The following MBNL3 variants were observed in gnomAD, a reference collection of about 807,000 sequenced individuals.
MBNL3 encodes muscleblind like splicing regulator 3, also known as muscleblind-like protein 3.
In MBNL3, 6 loss-of-function variants were observed where a neutral mutation model predicts 24.5. That is an observed-to-expected ratio of 0.25 (90% CI 0.13 to 0.48). The LOEUF (loss-of-function observed/expected upper bound fraction) is 0.48, where lower values mean the gene tolerates loss of function less well. Among genes scored for constraint, MBNL3 ranks in the 20% least tolerant of loss-of-function variants. MBNL3 has a pLI of 0.99. For missense variants in MBNL3, 230 were observed against 293.5 expected (o/e 0.78, Z 1.58); for synonymous variants, 100 against 101.7 (o/e 0.98, Z 0.10).
chrX:132,453,787 C>T (rs1603259035), intron 1 of MBNL3, among the ~76,000 whole-genome samples: 1 of 111,187 alleles, frequency 9.0e-6, no homozygotes, highest in Non-Finnish European at 1.9e-5. Flanking sequence ...CCTTTCAAAC[C>T]AGTGGTCTGA....
At chrX:132,406,034 A>G (rs1941773504) in intron 3 of MBNL3, among the ~76,000 whole-genome samples, 194 bp downstream of exon 3, 1 of 111,208 alleles carries the variant, frequency 9.0e-6, no homozygotes, top group South Asian at 3.8e-4. Context: ...ATATTCTTTT[A>G]TAAAGTGAAC....
In MBNL3 at chrX:132,390,775, G is replaced by A. The variant is rs1345018896; in HGVS notation, c.771+72C>T. 3.5e-6 allele frequency: 3 copies of A among 867,274 alleles called. No homozygotes were observed. The African/African-American group carries it at 6.0e-5, about 17-fold the overall frequency. The allele number at this position is 867,274 out of a possible 1,213,427, so 71.5% of individuals were successfully genotyped here. A position where few individuals can be genotyped will look rare whatever the true frequency, so the allele number is the denominator to read the frequency against. On this transcript the variant is annotated intron_variant, in intron 5 of 8. Coordinates refer to ENST00000370853, the MANE Select transcript of MBNL3 (RefSeq NM_001386889.1). The stretch of plus-strand genomic sequence containing the variant: ...TGACCATCCATGAGTATGGTTACAG[G>A]ATATTAGACAAATTGAGGAATATAC...
intron 1 of MBNL3, among the ~76,000 whole-genome samples, chrX:132,453,807 T>C (rs780780138): frequency 9.0e-6 from 1 of 111,567 alleles, no homozygotes; most frequent in African/African-American, 3.3e-5. Context: ...AAAGTGTTCA[T>C]GTGGACGGGC....
intron 2 of MBNL3, among the ~76,000 whole-genome samples, chrX:132,414,993 A>G (rs1439253446): frequency 3.6e-5 from 4 of 111,826 alleles, no homozygotes; most frequent in Non-Finnish European, 7.5e-5. Flanking sequence ...CAAAGCTGTA[A>G]GTTTCGTCAG....
chrX:132,426,729 T>C (rs1407514288), intron 2 of MBNL3, among the ~76,000 whole-genome samples: 1 of 111,698 alleles, frequency 9.0e-6, no homozygotes, highest in East Asian at 2.8e-4. Context: ...CCTTGGACTG[T>C]TGTAGCTGTT....
chrX:132,475,624 C>T (rs769345475), intron 1 of MBNL3, among the ~76,000 whole-genome samples: 32 of 112,145 alleles, frequency 2.9e-4, no homozygotes, highest in Non-Finnish European at 5.8e-4. Context: ...CAATAAATGT[C>T]AGTTGACTCT....
rs1939462691 is a variant in MBNL3, at chrX:132,396,817, T to TATATATTC, written c.343-4484_343-4483insGAATATAT. 5.6e-5 allele frequency among the ~76,000 whole-genome samples: 2 copies of TATATATTC among 35,603 alleles called. 1 individual carries two copies. Among genetic ancestry groups the TATATATTC allele is most frequent in the African/African-American group, 4.4e-4 (2 of 4,590 alleles). 30.9% of individuals were successfully genotyped at this position (35,603 alleles called of 115,157 possible). A position where few individuals can be genotyped will look rare whatever the true frequency, so the allele number is the denominator to read the frequency against. On this transcript the variant is annotated intron_variant, in intron 3 of 8. Coordinates refer to ENST00000370853, the MANE Select transcript of MBNL3 (RefSeq NM_001386889.1). ...ATATTCATATATATTCATATATACA[T>TATATATTC]ATATATATTCATATATATATTCATA...
intron 3 of MBNL3, among the ~76,000 whole-genome samples, chrX:132,399,522 T>C (rs1334174230): frequency 9.0e-6 from 1 of 110,771 alleles, no homozygotes; most frequent in Non-Finnish European, 1.9e-5. Context: ...CACTTTGTAA[T>C]ACACAAAGTA....
At chrX:132,477,097 T>C (rs1384622122) in intron 1 of MBNL3, among the ~76,000 whole-genome samples, 2 of 112,546 alleles carry the variant, frequency 1.8e-5, no homozygotes, top group Admixed American at 9.4e-5. Context: ...GATCAGAGCA[T>C]GTATGCAATT....
chrX:132,486,404 C>T (rs1263905947), intron 1 of MBNL3, among the ~76,000 whole-genome samples: 3 of 111,422 alleles, frequency 2.7e-5, no homozygotes, highest in Non-Finnish European at 5.7e-5. Flanking sequence ...AAGACAAAAC[C>T]TTTTTTATTC....
chrX:132,462,348 G>T (rs1946668819), intron 1 of MBNL3, among the ~76,000 whole-genome samples: 1 of 112,125 alleles, frequency 8.9e-6, no homozygotes, highest in Non-Finnish European at 1.9e-5. Context: ...TTTTGAATGG[G>T]AAGTTGAAAT....
rs776752620 is a variant in MBNL3 at position 132,459,239 on chromosome X, T to C, written c.-703-18925A>G. Among the ~76,000 whole-genome samples the C allele has an allele frequency of 4.0e-4, 44 of 109,274 alleles. 1 individual carries two copies. The highest frequency in any genetic ancestry group is 3.4e-3 in the Admixed American group (34 of 10,071). The allele number at this position is 109,274 out of a possible 115,157, so 94.9% of individuals were successfully genotyped here. ...TCTCCATATTTAAAACTATTTTTTC[T>C]TTCATTTGTTTTCCAAATATGTATT... On this transcript the variant is annotated intron_variant, in intron 1 of 8. Coordinates refer to ENST00000370853, the MANE Select transcript of MBNL3 (RefSeq NM_001386889.1).
chrX:132,447,096 C>T (rs1419379596), intron 1 of MBNL3, among the ~76,000 whole-genome samples: 2 of 111,336 alleles, frequency 1.8e-5, no homozygotes, highest in Non-Finnish European at 3.8e-5. Flanking sequence ...CTGTTCTGTT[C>T]TGTTCCATTG....
chrX:132,443,366 T>C (rs1348066477), intron 1 of MBNL3, among the ~76,000 whole-genome samples: 1 of 112,074 alleles, frequency 8.9e-6, no homozygotes, highest in Non-Finnish European at 1.9e-5. Context: ...ATGTCATAGA[T>C]AGCATTGCTT....
At chrX:132,446,623 G>GT (rs1286818077) in intron 1 of MBNL3, among the ~76,000 whole-genome samples, 1 of 111,984 alleles carries the variant, frequency 8.9e-6, no homozygotes, top group Non-Finnish European at 1.9e-5. Flanking sequence ...TTGTAAATTT[G>GT]TTTAAGTTCC....
At chrX:132,436,347 C>A (rs918421681) in intron 2 of MBNL3, among the ~76,000 whole-genome samples, 3 of 112,137 alleles carry the variant, frequency 2.7e-5, no homozygotes, top group African/African-American at 9.7e-5. Context: ...AATACACAAT[C>A]AGCCATCCAA....
chrX:132,448,863 G>T (rs1278796552), intron 1 of MBNL3, among the ~76,000 whole-genome samples: 1 of 111,848 alleles, frequency 8.9e-6, no homozygotes, highest in Non-Finnish European at 1.9e-5. Context: ...TGGTTTCAAA[G>T]AACTTATTTA....
chrX:132,477,783 C>A (rs1382797338), intron 1 of MBNL3, among the ~76,000 whole-genome samples: 1 of 111,508 alleles, frequency 9.0e-6, no homozygotes, highest in Non-Finnish European at 1.9e-5. Context: ...CTCATTAGCA[C>A]AAAAAAAGTG....
chrX:132,400,006 T>G (rs1940587946), intron 3 of MBNL3, among the ~76,000 whole-genome samples: 1 of 109,619 alleles, frequency 9.1e-6, no homozygotes, highest in Admixed American at 9.8e-5. Flanking sequence ...GGACACAAAA[T>G]AGAGGAGGTT....
Sources: gnomAD v4.1 joint callset for allele counts (sites outside exome capture counted in the v4.1 genomes callset) on GRCh38, gnomAD v4.1.1 for gene constraint, MANE v1.5 for transcripts, NCBI Gene and HGNC (gene_info 2026-07-23, HGNC 2026-07-21) for gene names.